Variants in HEATR1 observed in about 807,000 individuals in gnomAD.
HEATR1 encodes the protein HEAT repeat containing 1.
HEATR1 carries 77 observed loss-of-function variants against 248.2 expected under a neutral mutation model. The observed-to-expected ratio is 0.31, with a 90% CI of 0.26 to 0.37. The LOEUF (loss-of-function observed/expected upper bound fraction) is 0.37, where lower values mean the gene tolerates loss of function less well. Ranked by LOEUF, HEATR1 falls within the 10% of genes least tolerant of loss-of-function variation. The pLI is 1.00. For missense variants in HEATR1, 2,420 were observed against 2,504.9 expected (o/e 0.97, Z 0.72); for synonymous variants, 897 against 923.1 (o/e 0.97, Z 0.51).
At chr1:236,572,690 C>CA (rs761831455) in intron 25 of HEATR1, 35 bp downstream of exon 25, 2 of 1,602,394 alleles carry the variant, frequency 1.2e-6, no homozygotes, top group Non-Finnish European at 8.6e-7. Flanking sequence ...AGTCAGGGAA[C>CA]AACAGCATGT....
At chr1:236,577,708 G>A (rs1343261228) in intron 20 of HEATR1, among the ~76,000 whole-genome samples, 4 of 151,636 alleles carry the variant, frequency 2.6e-5, no homozygotes, top group East Asian at 1.9e-4. Context: ...GGCTGGTCTC[G>A]AACTCCCAAC....
chr1:236,555,922 A>T lies in HEATR1; in HGVS notation c.5532T>A (p.Phe1844Leu), dbSNP rs1331490680. 6.2e-7 allele frequency: 1 copy of T among 1,613,712 alleles called. No homozygotes were observed. The highest frequency in any genetic ancestry group is 2.2e-5 in the East Asian group (1 of 44,890). Reference protein sequence around the residue: ...EKNWKNHMGPFMSILQEHIGV... With the variant: ...EKNWKNHMGPLMSILQEHIGV... ...CAATATGCTCTTGCAAGATGCTCATAAACGGACCCATGTGATTCTACCAAT... is the reference window on the plus strand; with the variant it reads ...CAATATGCTCTTGCAAGATGCTCATTAACGGACCCATGTGATTCTACCAAT... The change falls in exon 39 of 45, where the codon TTT becomes TTA. Residue 1844 changes from phenylalanine (F) to leucine (L), a missense_variant. By Grantham distance (22) the Phe-to-Leu change is conservative (BLOSUM62 0). Transcript: ENST00000366582.
intron 8 of HEATR1, 61 bp from the exon 9 acceptor site, chr1:236,594,175 A>G: frequency 9.5e-7 from 1 of 1,052,250 alleles, no homozygotes; most frequent in Non-Finnish European, 1.4e-6. Context: ...TAACATTATT[A>G]AATTCACTTA....
At chr1:236,583,512 A>C (rs1431326444) in intron 17 of HEATR1, among the ~76,000 whole-genome samples, 1 of 127,278 alleles carries the variant, frequency 7.9e-6, no homozygotes, top group Admixed American at 9.2e-5. Context: ...TTTGAGACGG[A>C]GTCTTGCTCT....
At position 236,555,303 on chromosome 1, in the gene HEATR1, G is replaced by A; in HGVS notation, c.5916C>T (p.Ser1972=). The A allele has an allele frequency of 1.2e-6, 2 of 1,614,062 alleles. No individual in the cohort carries two copies. Among genetic ancestry groups the A allele is most frequent in the Non-Finnish European group, 1.7e-6 (2 of 1,179,950 alleles). ...FADTLNQVNI[S]KTDEAFFDSE... is the part of the protein sequence containing the mutation. ...ACTGAAGCGACCACCCACCTGTTTT[G>A]GAGATGTTCACCTGGTTCAAGGTGT... Residue 1972 remains serine (S), a synonymous_variant, in exon 41 of 45, where the codon TCC becomes TCT. Transcript: ENST00000366582.
chr1:236,575,056 T>C (rs963799964), intron 22 of HEATR1, among the ~76,000 whole-genome samples, 153 bp from the exon 23 acceptor site: 5 of 152,200 alleles, frequency 3.3e-5, no homozygotes, highest in African/African-American at 1.2e-4. Flanking sequence ...AGACAGCTAT[T>C]AATTCACACT....
At chr1:236,592,835 G>A (rs76744755) in intron 9 of HEATR1, among the ~76,000 whole-genome samples, 7,225 of 152,200 alleles carry the variant, frequency 0.047, 530 homozygotes, top group African/African-American at 0.16. Flanking sequence ...CAGCACTTTC[G>A]GAGGCCGGGG....
At chr1:236,553,458 T>C in intron 43 of HEATR1, 123 bp downstream of exon 43, 2 of 1,012,984 alleles carry the variant, frequency 2.0e-6, no homozygotes, top group East Asian at 2.5e-5. Context: ...TAGTACTGGA[T>C]GACAAATAGC....
intron 16 of HEATR1, 48 bp from the exon 17 acceptor site, chr1:236,585,264 A>G: frequency 6.5e-7 from 1 of 1,528,774 alleles, no homozygotes; most frequent in Non-Finnish European, 8.8e-7. Flanking sequence ...GATTTTCATA[A>G]AACAATTTTT....
intron 20 of HEATR1, among the ~76,000 whole-genome samples, chr1:236,578,681 G>A (rs553682859): frequency 3.9e-5 from 6 of 152,206 alleles, no homozygotes; most frequent in East Asian, 1.9e-4. Flanking sequence ...GCCTATTTGC[G>A]AATATTTTCT....
chr1:236,550,714 T>C lies in HEATR1; in HGVS notation c.*188A>G, dbSNP rs767285887. On this transcript the variant is annotated 3_prime_UTR_variant, in exon 45 of 45. Transcript: ENST00000366582. Reference sequence around the variant, plus strand: ...TTACTCTTTCTGCAGCTCTATACGATAGGCAGGAGAGGCTTATGTGGCAGC... The same window carrying C: ...TTACTCTTTCTGCAGCTCTATACGACAGGCAGGAGAGGCTTATGTGGCAGC... 7.6e-6 allele frequency: 4 copies of C among 529,414 alleles called. No homozygotes were observed. The highest frequency in any genetic ancestry group is 3.0e-5 in the South Asian group (1 of 33,814). 32.8% of individuals were successfully genotyped at this position (529,414 alleles called of 1,614,324 possible).
intron 3 of HEATR1, among the ~76,000 whole-genome samples, chr1:236,601,454 C>T (rs1394086196): frequency 6.6e-6 from 1 of 152,104 alleles, no homozygotes; most frequent in African/African-American, 2.4e-5. Flanking sequence ...CCATGCTGGC[C>T]AGGCTGGCCT....
At chr1:236,578,928 T>C (rs1663636809) in intron 20 of HEATR1, among the ~76,000 whole-genome samples, 2 of 152,220 alleles carry the variant, frequency 1.3e-5, no homozygotes, top group African/African-American at 2.4e-5. Flanking sequence ...CAAAGAGATA[T>C]CTAAATTCCT....
chr1:236,592,946 G>A (rs1371145147), intron 9 of HEATR1, among the ~76,000 whole-genome samples: 1 of 152,164 alleles, frequency 6.6e-6, no homozygotes, highest in African/African-American at 2.4e-5. Flanking sequence ...TGTAATCCCA[G>A]TACTTTGGGA....
intron 42 of HEATR1, 57 bp from the exon 43 acceptor site, chr1:236,553,796 G>A (rs1263233971): frequency 6.5e-7 from 1 of 1,527,170 alleles, no homozygotes; most frequent in Non-Finnish European, 8.9e-7. Context: ...TCTTCTGTTT[G>A]AAAAAATATC....
At position 236,603,141 on chromosome 1, in the gene HEATR1, C is replaced by T; in HGVS notation, c.359+19G>A. 6.3e-7 allele frequency: 1 copy of T among 1,579,564 alleles called. No individual in the cohort carries two copies. Among genetic ancestry groups the T allele is most frequent in the Non-Finnish European group, 8.7e-7 (1 of 1,148,812 alleles). On this transcript the variant is annotated intron_variant, in intron 3 of 44. Coordinates refer to ENST00000366582, the MANE Select transcript of HEATR1 (RefSeq NM_018072.6). Reference sequence around the variant, plus strand: ...CAAAGTGATTAACCCATAGTTATTTCTGTAATTCTATTAGCTACCTGTGAA... The same window carrying T: ...CAAAGTGATTAACCCATAGTTATTTTTGTAATTCTATTAGCTACCTGTGAA...
At chr1:236,551,778 A>C (rs1467881318) in intron 44 of HEATR1, 1 of 496,734 alleles carries the variant, frequency 2.0e-6, no homozygotes, top group Non-Finnish European at 3.6e-6. Context: ...ACGGACTCTC[A>C]AATGATCAGG....
rs546185047 is a variant in HEATR1 at position 236,563,829 on chromosome 1, G to C, written c.4599+669C>G. On this transcript the variant is annotated intron_variant, in intron 32 of 44. Coordinates refer to ENST00000366582, the MANE Select transcript of HEATR1 (RefSeq NM_018072.6). ...GCAGAACTCACTATATCCAGGTAAA[G>C]AAAGGCTGGGCATGATGGCTCATGC... Among the ~76,000 whole-genome samples, 5 of 151,900 alleles carry C rather than the reference G, an allele frequency of 3.3e-5. No individual in the cohort carries two copies. In the East Asian group the frequency reaches 9.9e-4, roughly 30 times the overall value.
chr1:236,585,330 CAG>C, intron 16 of HEATR1, 114 bp from the exon 17 acceptor site: 1 of 781,742 alleles, frequency 1.3e-6, no homozygotes, highest in Non-Finnish European at 2.0e-6. Context: ...AGATGACAAA[CAG>C]AAAGCCTTTA....
Sources: gnomAD v4.1 joint callset for allele counts (sites outside exome capture counted in the v4.1 genomes callset) on GRCh38, gnomAD v4.1.1 for gene constraint, MANE v1.5 for transcripts, NCBI Gene and HGNC (gene_info 2026-07-23, HGNC 2026-07-21) for gene names.